TMTC1: variants seen among roughly 807,000 people sequenced by gnomAD.
The protein encoded by TMTC1 is transmembrane O-mannosyltransferase targeting cadherins 1, also known as protein O-mannosyl-transferase TMTC1.
A neutral mutation model predicts 104.8 loss-of-function variants in TMTC1; 73 were observed. That is an observed-to-expected ratio of 0.70 (90% CI 0.58 to 0.85). The LOEUF (loss-of-function observed/expected upper bound fraction) is 0.85. Among genes scored for constraint, TMTC1 ranks in the 40% least tolerant of loss-of-function variants. The pLI, the probability that TMTC1 is intolerant of heterozygous loss-of-function variation, is 0.00. For synonymous variants in TMTC1, 434 were observed against 428.7 expected (o/e 1.01, Z -0.15); for missense variants, 1,035 against 1,096.1 (o/e 0.94, Z 0.79).
At chr12:29,523,509 A>G (rs1240263391) in intron 11 of TMTC1, among the ~76,000 whole-genome samples, 1 of 152,206 alleles carries the variant, frequency 6.6e-6, no homozygotes, top group African/African-American at 2.4e-5. Context: ...TTTACTAGGT[A>G]CAGAGAAACT....
At chr12:29,588,701 G>A (rs1946204905) in intron 7 of TMTC1, among the ~76,000 whole-genome samples, 2 of 152,284 alleles carry the variant, frequency 1.3e-5, no homozygotes, top group Non-Finnish European at 2.9e-5. Context: ...AAATTAAGAA[G>A]AGGAAGAGGT....
intron 3 of TMTC1, among the ~76,000 whole-genome samples, chr12:29,756,873 T>C (rs894942974): frequency 1.3e-5 from 2 of 152,198 alleles, no homozygotes; most frequent in Admixed American, 6.5e-5. Context: ...AGCTCAAATT[T>C]CTGAAAGTGA....
chr12:29,518,281 G>T (rs761374505), intron 13 of TMTC1, among the ~76,000 whole-genome samples, 191 bp downstream of exon 13: 5 of 152,166 alleles, frequency 3.3e-5, no homozygotes, highest in Non-Finnish European at 5.9e-5. Flanking sequence ...AGTCTAACCA[G>T]CAAGCCAAAG....
chr12:29,575,580 C>T (rs1005184705), intron 8 of TMTC1, among the ~76,000 whole-genome samples: 2 of 151,518 alleles, frequency 1.3e-5, no homozygotes, highest in African/African-American at 4.9e-5. Context: ...TTGAGGACCT[C>T]TCCAGAGGAG....
intron 5 of TMTC1, among the ~76,000 whole-genome samples, chr12:29,712,620 C>T (rs972917096): frequency 2.0e-5 from 3 of 152,078 alleles, no homozygotes; most frequent in Non-Finnish European, 2.9e-5. Context: ...AAATATCTGG[C>T]TTAATCCAGG....
At chr12:29,612,107 G>A (rs373342562) in intron 6 of TMTC1, among the ~76,000 whole-genome samples, 1 of 152,076 alleles carries the variant, frequency 6.6e-6, no homozygotes, top group East Asian at 1.9e-4. Flanking sequence ...CGTGGCTTTG[G>A]TATTCGAAGT....
chr12:29,544,567 C>A (rs1944890887), intron 10 of TMTC1, among the ~76,000 whole-genome samples: 1 of 152,206 alleles, frequency 6.6e-6, no homozygotes, highest in African/African-American at 2.4e-5. Flanking sequence ...CACTGCTCTG[C>A]ACCCAGGCAG....
intron 5 of TMTC1, among the ~76,000 whole-genome samples, chr12:29,643,785 AT>A (rs371914988): frequency 1.3e-5 from 1 of 79,020 alleles, no homozygotes; most frequent in Non-Finnish European, 2.1e-5. Context: ...ATATATTTAT[AT>A]ATATTTATAT....
intron 16 of TMTC1, among the ~76,000 whole-genome samples, chr12:29,513,361 C>T (rs982765042): frequency 1.3e-5 from 2 of 151,782 alleles, no homozygotes; most frequent in African/African-American, 4.8e-5. Context: ...TACATATTCA[C>T]AATTAAGTTA....
At chr12:29,594,009 C>T (rs982498438) in intron 7 of TMTC1, among the ~76,000 whole-genome samples, 18 of 152,220 alleles carry the variant, frequency 1.2e-4, no homozygotes, top group African/African-American at 3.6e-4. Flanking sequence ...ATAAGACCCA[C>T]GACTGTTTAT....
At chr12:29,562,208 A>G (rs1945394748) in intron 9 of TMTC1, among the ~76,000 whole-genome samples, 1 of 152,204 alleles carries the variant, frequency 6.6e-6, no homozygotes, top group South Asian at 2.1e-4. Context: ...TACCACTTTC[A>G]TCTTGCACCG....
chr12:29,759,752 T>C (rs1035020909), intron 2 of TMTC1, among the ~76,000 whole-genome samples: 1 of 152,032 alleles, frequency 6.6e-6, no homozygotes, highest in Admixed American at 6.5e-5. Context: ...GCTTGGATCA[T>C]CTCGTGTCAG....
chr12:29,559,278 G>A (rs2136268376), intron 9 of TMTC1, among the ~76,000 whole-genome samples: 1 of 152,256 alleles, frequency 6.6e-6, no homozygotes, highest in South Asian at 2.1e-4. Context: ...TCCACCATGG[G>A]CTCACCCATG....
chr12:29,514,337 G>A lies in TMTC1; in HGVS notation c.2430+145C>T, dbSNP rs544162644. The A allele has an allele frequency of 3.0e-5, 22 of 731,610 alleles. 1 individual carries two copies. The highest frequency in any genetic ancestry group is 4.2e-4 in the Middle Eastern group (1 of 2,372). The allele number at this position is 731,610 out of a possible 1,614,324, so 45.3% of individuals were successfully genotyped here. ...AATGATAAAAAATAAACAAAACTTC[G>A]TCAATTAGTTAAAAAAAACTCACTC... is the stretch of plus-strand genomic sequence containing the variant. On this transcript the variant is annotated intron_variant, in intron 16 of 17. Transcript: ENST00000539277.
rs1396035369 is a variant in TMTC1, at chr12:29,759,963, A to C, written c.481-1186T>G. ...ATTCAATAACAACTTTCAGGTCAAC[A>C]ACGAGCCACATATATGATGGTGGTC... On this transcript the variant is annotated intron_variant, in intron 2 of 17. Coordinates refer to ENST00000539277, the MANE Select transcript of TMTC1 (RefSeq NM_001193451.2). 3.3e-5 allele frequency among the ~76,000 whole-genome samples: 5 copies of C among 152,242 alleles called. No individual in the cohort carries two copies. In the East Asian group the frequency reaches 9.6e-4, roughly 29 times the overall value.
In TMTC1 at chr12:29,506,213, T is replaced by C. The variant is rs897716273; in HGVS notation, c.*633A>G. 1.3e-5 allele frequency: 2 copies of C among 152,226 alleles called. No individual in the cohort carries two copies. The highest frequency in any genetic ancestry group is 2.9e-5 in the Non-Finnish European group (2 of 68,054). The allele number at this position is 152,226 out of a possible 1,614,324, so 9.4% of individuals were successfully genotyped here. ...TTCCCCCTAGGGATAAAGATATCCATGTACAATTCCAGGAGCTTCCCTGTA... is the reference window on the plus strand; with the variant it reads ...TTCCCCCTAGGGATAAAGATATCCACGTACAATTCCAGGAGCTTCCCTGTA... On this transcript the variant is annotated 3_prime_UTR_variant, in exon 18 of 18. Transcript: ENST00000539277.
At chr12:29,682,893 T>G (rs1940967837) in intron 5 of TMTC1, among the ~76,000 whole-genome samples, 1 of 152,180 alleles carries the variant, frequency 6.6e-6, no homozygotes, top group Admixed American at 6.6e-5. Flanking sequence ...ACACACATAT[T>G]GCATGGATGT....
chr12:29,767,576 T>C (rs1036421740), intron 2 of TMTC1, among the ~76,000 whole-genome samples: 1 of 152,216 alleles, frequency 6.6e-6, no homozygotes, highest in African/African-American at 2.4e-5. Context: ...TGGCCATTCA[T>C]TACTACCCGT....
rs932825647 is a variant in TMTC1 at position 29,613,969 on chromosome 12, C to T, written c.1129-9670G>A. On this transcript the variant is annotated intron_variant, in intron 6 of 17. Transcript: ENST00000539277. ...TCATACAGAAGACAGTCCCTTTGTT[C>T]TATAATCTAAAATTAATAAGGAGAA... is the stretch of plus-strand genomic sequence containing the variant. 6 of 970,596 alleles carry T rather than the reference C, an allele frequency of 6.2e-6. No individual in the cohort carries two copies. The Admixed American group carries it at 1.8e-4, about 30-fold the overall frequency. 60.1% of individuals were successfully genotyped at this position (970,596 alleles called of 1,614,324 possible).
Sources: gnomAD v4.1 joint callset for allele counts (sites outside exome capture counted in the v4.1 genomes callset) on GRCh38, gnomAD v4.1.1 for gene constraint, MANE v1.5 for transcripts, NCBI Gene and HGNC (gene_info 2026-07-23, HGNC 2026-07-21) for gene names.